KIF17: variants seen among roughly 807,000 people sequenced by gnomAD.
The protein encoded by KIF17 is kinesin family member 17.
In KIF17, 80 loss-of-function variants were observed where a neutral mutation model predicts 96.8. That is an observed-to-expected ratio of 0.83 (90% CI 0.69 to 1.00). The LOEUF (loss-of-function observed/expected upper bound fraction) is 1.00, where lower values mean the gene tolerates loss of function less well. KIF17 is among the 50% of genes least tolerant of loss of function. KIF17 has a pLI of 0.00. For synonymous variants in KIF17, 567 were observed against 587.5 expected (o/e 0.97, Z 0.51); for missense variants, 1,280 against 1,372.9 (o/e 0.93, Z 1.07).
At chr1:20,684,701 T>C in intron 10 of KIF17, 108 bp downstream of exon 10, 1 of 1,170,122 alleles carries the variant, frequency 8.5e-7, no homozygotes. Context: ...CCTGCCAAGT[T>C]AGAAGGGAGA....
chr1:20,679,230 G>T (rs1219121027), intron 11 of KIF17, among the ~76,000 whole-genome samples: 2 of 152,024 alleles, frequency 1.3e-5, no homozygotes, highest in Non-Finnish European at 2.9e-5. Context: ...GTTTGAGCCT[G>T]GGACAGCCAG....
chr1:20,711,620 C>G (rs2054438140), intron 3 of KIF17, among the ~76,000 whole-genome samples: 1 of 152,158 alleles, frequency 6.6e-6, no homozygotes, highest in Admixed American at 6.5e-5. Context: ...GAGAGGCCCC[C>G]TCAGGCCTCA....
At chr1:20,675,095 G>C (rs1262446901) in intron 11 of KIF17, among the ~76,000 whole-genome samples, 1 of 149,604 alleles carries the variant, frequency 6.7e-6, no homozygotes, top group Non-Finnish European at 1.5e-5. Flanking sequence ...AGGTTGCAGT[G>C]AGCCAAGATC....
At chr1:20,682,018 G>A (rs1472584895) in intron 11 of KIF17, among the ~76,000 whole-genome samples, 2 of 152,040 alleles carry the variant, frequency 1.3e-5, no homozygotes, top group African/African-American at 2.4e-5. Context: ...GAGTTGTCTC[G>A]CCCTGGTATT....
chr1:20,667,925 G>A (rs1388999383), intron 13 of KIF17, among the ~76,000 whole-genome samples: 10 of 152,092 alleles, frequency 6.6e-5, no homozygotes, highest in African/African-American at 1.7e-4. Flanking sequence ...CAAGAGGATC[G>A]CTTGAACCTG....
chr1:20,662,557 C>T (rs187109093), downstream of KIF17, among the ~76,000 whole-genome samples: 1 of 152,198 alleles, frequency 6.6e-6, no homozygotes, highest in Non-Finnish European at 1.5e-5. Context: ...GGCTCCTGCA[C>T]CCTAACTCCT....
intron 3 of KIF17, among the ~76,000 whole-genome samples, chr1:20,712,812 T>C (rs866347608): frequency 1.9e-5 from 1 of 51,402 alleles, no homozygotes; most frequent in African/African-American, 5.3e-5. Flanking sequence ...AATATCTATA[T>C]ATATAATATA....
chr1:20,675,499 G>A (rs1027941219), intron 11 of KIF17, among the ~76,000 whole-genome samples: 6 of 151,760 alleles, frequency 4.0e-5, no homozygotes, highest in African/African-American at 9.7e-5. Context: ...GTTTATTTCC[G>A]GATGCTCATT....
chr1:20,702,358 C>T (rs564362474), intron 5 of KIF17, among the ~76,000 whole-genome samples: 5 of 152,314 alleles, frequency 3.3e-5, no homozygotes, highest in Non-Finnish European at 7.4e-5. Flanking sequence ...GGGCTGCCTC[C>T]ATCACCACTG....
At chr1:20,670,588 CAG>C in intron 12 of KIF17, 100 bp from the exon 13 acceptor site, 2 of 1,073,518 alleles carry the variant, frequency 1.9e-6, no homozygotes, top group Non-Finnish European at 2.9e-6. Flanking sequence ...CAGGCTTAAA[CAG>C]GGGAGGACAC....
intron 6 of KIF17, among the ~76,000 whole-genome samples, chr1:20,697,645 C>T (rs776355087): frequency 6.6e-5 from 10 of 152,160 alleles, no homozygotes; most frequent in Admixed American, 2.0e-4. Flanking sequence ...AAAGGGACTG[C>T]CACATGTCAA....
At chr1:20,712,906 T>TA (rs1557607194) in intron 3 of KIF17, among the ~76,000 whole-genome samples, 7 of 104,052 alleles carry the variant, frequency 6.7e-5, no homozygotes, top group East Asian at 5.1e-4. Context: ...ATTATCTATA[T>TA]TATATATATA....
chr1:20,674,453 A>G (rs2053701190), intron 11 of KIF17, among the ~76,000 whole-genome samples: 1 of 151,922 alleles, frequency 6.6e-6, no homozygotes, highest in Non-Finnish European at 1.5e-5. Flanking sequence ...TTGTAGAGGC[A>G]GGGTTTCCCC....
intron 10 of KIF17, 75 bp downstream of exon 10, chr1:20,684,734 C>A: frequency 2.1e-6 from 3 of 1,419,346 alleles, no homozygotes; most frequent in South Asian, 1.2e-5. Context: ...CTATGGCACC[C>A]CCGCCTCCAT....
At chr1:20,686,181 C>T in intron 8 of KIF17, 55 bp from the exon 9 acceptor site, 3 of 1,432,972 alleles carry the variant, frequency 2.1e-6, no homozygotes, top group Non-Finnish European at 2.9e-6. Context: ...CCAGAACCAT[C>T]CTTTACTCCC....
chr1:20,711,881 C>T (rs771616096), intron 3 of KIF17, among the ~76,000 whole-genome samples: 3 of 152,162 alleles, frequency 2.0e-5, no homozygotes, highest in African/African-American at 7.2e-5. Flanking sequence ...CACATGGAGC[C>T]TCAGTTTCCT....
intron 8 of KIF17, chr1:20,686,511 CA>C: frequency 6.3e-6 from 2 of 315,342 alleles, no homozygotes; most frequent in Non-Finnish European, 1.2e-5. Context: ...TACACACACA[CA>C]CACACAGAGG....
In KIF17 at chr1:20,684,845, G is replaced by A. The variant is rs112270148; in HGVS notation, c.2195C>T (p.Pro732Leu). Reference sequence around the variant, plus strand: ...CTGCTGCTGGTCCACAACGGGCAGCGGGTCATCAGTCAGCACTGCCACCTC... The same window carrying A: ...CTGCTGCTGGTCCACAACGGGCAGCAGGTCATCAGTCAGCACTGCCACCTC... Reference protein sequence around the residue: ...GMEVAVLTDDPLPVVDQQQVL... With the variant: ...GMEVAVLTDDLLPVVDQQQVL... Residue 732 changes from proline to leucine, a missense_variant, in exon 10 of 15, where the codon CCG becomes CTG. Pro to Leu is a moderately conservative substitution (Grantham distance 98). Transcript: ENST00000400463. 4,598 of 1,594,340 alleles carry A rather than the reference G, an allele frequency of 2.9e-3. 108 individuals are homozygous for A. The African/African-American group carries it at 0.051, about 18-fold the overall frequency.
Position 20,672,322 on chromosome 1 carries a change from A to G in KIF17, c.2464-126T>C, listed in dbSNP as rs1275918122. 8.3e-6 allele frequency: 10 copies of G among 1,199,008 alleles called. No individual in the cohort carries two copies. The highest frequency in any genetic ancestry group is 9.5e-6 in the Non-Finnish European group (8 of 839,356). The allele number at this position is 1,199,008 out of a possible 1,614,324, so 74.3% of individuals were successfully genotyped here. On this transcript the variant is annotated intron_variant, in intron 11 of 14. Coordinates refer to ENST00000400463, the MANE Select transcript of KIF17 (RefSeq NM_001122819.3). This position sits in a 1 kb window ranked among gnomAD's most constrained non-coding sequence, Gnocchi z 4.3. ...TGTTCATTGGCCTGATCAGCCATCC[A>G]TTCTCATCCCCACCATCCATCCAGC...
Sources: gnomAD v4.1 joint callset for allele counts (sites outside exome capture counted in the v4.1 genomes callset) on GRCh38, gnomAD v4.1.1 for gene constraint, Gnocchi (gnomAD v3.1) non-coding constraint, MANE v1.5 for transcripts, NCBI Gene and HGNC (gene_info 2026-07-23, HGNC 2026-07-21) for gene names.